The following C2CD3 variants were observed in gnomAD, a reference collection of about 807,000 sequenced individuals.
C2CD3 encodes C2 domain-containing protein 3.
C2CD3 carries 148 observed loss-of-function variants against 234.0 expected under a neutral mutation model. The ratio of observed to expected loss-of-function variants is 0.63; its 90% CI spans 0.55 to 0.72. The LOEUF (loss-of-function observed/expected upper bound fraction) is 0.72, where lower values mean the gene tolerates loss of function less well. Ranked by LOEUF, C2CD3 falls within the 30% of genes least tolerant of loss-of-function variation. C2CD3 has a pLI of 0.00. For synonymous variants in C2CD3, 1,000 were observed against 1,035.4 expected, an observed-to-expected ratio of 0.97 and a Z score of 0.66; for missense variants, 2,577 against 2,811.5, an observed-to-expected ratio of 0.92 and a Z score of 1.89.
intron 32 of C2CD3, among the ~76,000 whole-genome samples, chr11:74,023,053 T>C (rs1952152120): frequency 6.6e-6 from 1 of 152,248 alleles, no homozygotes; most frequent in Non-Finnish European, 1.5e-5. Flanking sequence ...ACGAATGTCA[T>C]ACAGGCTCCT....
At chr11:74,137,121 T>C (rs956688789) in intron 5 of C2CD3, among the ~76,000 whole-genome samples, 22 of 151,682 alleles carry the variant, frequency 1.5e-4, no homozygotes, top group Non-Finnish European at 2.9e-4. Context: ...CTCAGCCTCC[T>C]GAGTAGCTTA....
intron 25 of C2CD3, among the ~76,000 whole-genome samples, chr11:74,054,873 A>T (rs1181836966): frequency 1.3e-5 from 2 of 152,216 alleles, no homozygotes; most frequent in African/African-American, 4.8e-5. Flanking sequence ...ACTTGCCAAG[A>T]CTTGAAAACA....
At chr11:74,145,393 C>T (rs191547921) in intron 3 of C2CD3, among the ~76,000 whole-genome samples, 1 of 152,098 alleles carries the variant, frequency 6.6e-6, no homozygotes, top group Non-Finnish European at 1.5e-5. Flanking sequence ...TGTCCTTTGC[C>T]CACTTTTTAA....
At chr11:74,034,303 T>C (rs1352699919) in intron 30 of C2CD3, 25 bp from the exon 31 acceptor site, 3 of 1,520,656 alleles carry the variant, frequency 2.0e-6, no homozygotes, top group Non-Finnish European at 2.6e-6. Context: ...ATATCACTCT[T>C]ATTACAAGGT....
chr11:74,111,070 G>A (rs1159177338), intron 11 of C2CD3, among the ~76,000 whole-genome samples: 1 of 152,184 alleles, frequency 6.6e-6, no homozygotes, highest in Non-Finnish European at 1.5e-5. Context: ...ACAGATTAAG[G>A]CACATTTTGG....
chr11:74,124,265 C>CT (rs1957325261), intron 7 of C2CD3, among the ~76,000 whole-genome samples: 1 of 152,052 alleles, frequency 6.6e-6, no homozygotes, highest in Admixed American at 6.6e-5. Flanking sequence ...AGCTGCTATA[C>CT]TTTTTTCCTT....
At chr11:74,048,182 C>T (rs371308232) in intron 28 of C2CD3, 23 bp downstream of exon 28, 5 of 1,609,786 alleles carry the variant, frequency 3.1e-6, no homozygotes, top group Non-Finnish European at 4.2e-6. Flanking sequence ...CCCATTTCTT[C>T]TCATCATCAA....
rs758165811 is a variant in C2CD3, at chr11:74,033,947, G to T, written c.6213C>A (p.Pro2071=). ...CCGTGGTGATCTCATTTAAGGTCCT[G>T]GGCTCAATGATGTCTTCTTCATAGT... ...DEDYEEDIIE[P]RTLNEITTVT... Residue 2071 remains proline (P), a synonymous_variant, in exon 31 of 33, where the codon CCC becomes CCA. Transcript: ENST00000334126. The T allele has an allele frequency of 1.2e-5, 18 of 1,536,314 alleles. No homozygotes were observed. The highest frequency in any genetic ancestry group is 3.3e-4 in the Middle Eastern group (2 of 5,992).
intron 32 of C2CD3, among the ~76,000 whole-genome samples, chr11:74,017,274 G>A (rs1687114237): frequency 6.6e-6 from 1 of 152,198 alleles, no homozygotes; most frequent in Admixed American, 6.5e-5. Context: ...GACTGTACTA[G>A]GCTGAAGGAC....
intron 16 of C2CD3, 21 bp from the exon 17 acceptor site, chr11:74,095,429 A>G (rs747689121): frequency 1.3e-6 from 2 of 1,594,326 alleles, no homozygotes; most frequent in Admixed American, 3.4e-5. Flanking sequence ...AAACAGAAAC[A>G]CTGGTGAGCT....
At chr11:74,135,743 C>T (rs1411101021) in intron 5 of C2CD3, among the ~76,000 whole-genome samples, 4 of 152,170 alleles carry the variant, frequency 2.6e-5, no homozygotes, top group Non-Finnish European at 5.9e-5. Flanking sequence ...TTTGTTGTGT[C>T]CCTCACATGA....
chr11:74,098,220 T>TGG lies in C2CD3; in HGVS notation c.2766_2767dup (p.Gln923ProfsTer14). ...GCTGTCGACAGCAACAACTGGGTAC[T>TGG]GGGCATCCAGCAGCAGGCGAGAAAT... On this transcript the variant is annotated frameshift_variant, in exon 16 of 33. Transcript: ENST00000334126. LOFTEE classifies it high-confidence loss of function. 1 of 1,614,098 alleles carries TGG rather than the reference T, an allele frequency of 6.2e-7. No individual in the cohort carries two copies.
At chr11:74,134,152 C>G (rs192448406) in intron 5 of C2CD3, among the ~76,000 whole-genome samples, 61 of 152,306 alleles carry the variant, frequency 4.0e-4, no homozygotes, top group South Asian at 3.5e-3. Context: ...CTCATTTAAT[C>G]CTCCCAACAG....
intron 26 of C2CD3, among the ~76,000 whole-genome samples, chr11:74,054,037 C>A (rs1953830874): frequency 6.6e-6 from 1 of 152,048 alleles, no homozygotes; most frequent in Non-Finnish European, 1.5e-5. Flanking sequence ...CTTTGGGAGG[C>A]CGAGGCGGGT....
At chr11:74,114,294 C>T in intron 10 of C2CD3, 90 bp downstream of exon 10, 1 of 867,222 alleles carries the variant, frequency 1.2e-6, no homozygotes. Flanking sequence ...AAACACATCC[C>T]AAATCACAGT....
Position 74,040,874 on chromosome 11 carries a change from G to A in C2CD3, c.5660+1180C>T, listed in dbSNP as rs181440524. Reference sequence around the variant, plus strand: ...CAGGTGTTCGAGCCCAGCCTGGGCAGCATAGGAAGCCTTTATCTATCACAC... The same window carrying A: ...CAGGTGTTCGAGCCCAGCCTGGGCAACATAGGAAGCCTTTATCTATCACAC... On this transcript the variant is annotated intron_variant, in intron 29 of 32. Transcript: ENST00000334126. 1.3e-3 allele frequency among the ~76,000 whole-genome samples: 200 copies of A among 151,756 alleles called. 4 individuals carry two copies. The highest frequency in any genetic ancestry group is 8.5e-4 in the Non-Finnish European group (58 of 67,920).
rs190945390 is a variant in C2CD3 at position 74,166,274 on chromosome 11, G to A, written c.325+2070C>T. 3.2e-3 allele frequency among the ~76,000 whole-genome samples: 480 copies of A among 149,230 alleles called. 3 individuals carry two copies. The highest frequency in any genetic ancestry group is 0.031 in the Middle Eastern group (9 of 288). ...GGAGCTTGCAGTGAGCCAAGATTGC[G>A]CCACTGCACTCCAGCCTGGGCAACA... On this transcript the variant is annotated intron_variant, in intron 2 of 32. Coordinates refer to ENST00000334126, the MANE Select transcript of C2CD3 (RefSeq NM_001286577.2).
rs762538228 is a variant in C2CD3, at chr11:74,139,647, C to A, written c.665G>T (p.Gly222Val). The change falls in exon 4 of 33, where the codon GGA (glycine) becomes GTA (valine). Residue 222 changes from glycine to valine, a missense_variant. Gly to Val is a moderately radical substitution (Grantham distance 109, BLOSUM62 -3). Transcript: ENST00000334126. ...PRDIHTIKID[G>V]KELAANSSRS... ...ACTGCTGTTGGCTGCTAACTCTTTT[C>A]CATCAATTTTGATGGTATGTATGTC... The A allele has an allele frequency of 1.9e-6, 3 of 1,613,994 alleles. No homozygotes were observed. Among genetic ancestry groups the A allele is most frequent in the Non-Finnish European group, 2.5e-6 (3 of 1,179,884 alleles).
At chr11:74,118,131 G>A in intron 9 of C2CD3, 97 bp downstream of exon 9, 1 of 827,346 alleles carries the variant, frequency 1.2e-6, no homozygotes, top group East Asian at 2.5e-5. Context: ...TAATCACTCT[G>A]ATGGTGCTGG....
Sources: gnomAD v4.1 joint callset for allele counts (sites outside exome capture counted in the v4.1 genomes callset) on GRCh38, gnomAD v4.1.1 for gene constraint, MANE v1.5 for transcripts, NCBI Gene and HGNC (gene_info 2026-07-23, HGNC 2026-07-21) for gene names.